Variants in FHL1 observed in about 807,000 individuals in gnomAD.
The protein encoded by FHL1 is four and a half LIM domains 1.
A neutral mutation model predicts 20.3 loss-of-function variants in FHL1; 1 was observed. That is an observed-to-expected ratio of 0.05 (90% confidence interval 0.02 to 0.23). The LOEUF is 0.23. Ranked by LOEUF, FHL1 falls within the 10% of genes least tolerant of loss-of-function variation. The pLI is 1.00. For synonymous variants in FHL1, 82 were observed against 88.9 expected, an observed-to-expected ratio of 0.92 and a Z score of 0.44; for missense variants, 177 against 234.0, an observed-to-expected ratio of 0.76 and a Z score of 1.59.
At chrX:136,168,261 C>T (rs188156774), upstream of FHL1, 2 of 111,586 alleles carry the variant, frequency 1.8e-5, no homozygotes, top group Admixed American at 9.5e-5. Context: ...TGTAGCTGCA[C>T]GAAAGGGTGT....
upstream of FHL1, chrX:136,147,053 T>C (rs1382642180): frequency 7.4e-6 from 2 of 268,840 alleles, no homozygotes; most frequent in African/African-American, 5.7e-5. Context: ...CACCCTCACT[T>C]GGCTGTCTTT....
At chrX:136,181,316 G>A (rs2073152859) in intron 2 of FHL1, among the ~76,000 whole-genome samples, 1 of 111,505 alleles carries the variant, frequency 9.0e-6, no homozygotes. Flanking sequence ...TCTGCAAACA[G>A]ACGAGTATCT....
Position 136,210,369 on chromosome X carries a change from C to T in FHL1, c.*344C>T, listed in dbSNP as rs1362039908. ...AGCAAGAAGCATAGGAGATAAAACC[C>T]CCACTGAGATGCCTCTCATGCCTCA... On this transcript the variant is annotated 3_prime_UTR_variant, in exon 6 of 6. Coordinates refer to ENST00000370683, the MANE Select transcript of FHL1 (RefSeq NM_001159699.2). The T allele has an allele frequency of 1.2e-5, 5 of 401,052 alleles. No individual in the cohort carries two copies. The highest frequency in any genetic ancestry group is 1.2e-4 in the African/African-American group (5 of 41,064). 33.1% of individuals were successfully genotyped at this position (401,052 alleles called of 1,213,427 possible). A position where few individuals can be genotyped will look rare whatever the true frequency, so the allele number is the denominator to read the frequency against.
chrX:136,179,687 T>C (rs1480908963), intron 2 of FHL1, among the ~76,000 whole-genome samples: 4 of 112,140 alleles, frequency 3.6e-5, no homozygotes, highest in Non-Finnish European at 5.6e-5. Context: ...AACCATAGCA[T>C]TACCGTGGTA....
In FHL1 at chrX:136,183,104, A is replaced by C. The variant is rs748013316; in HGVS notation, c.-27+13124A>C. Among the ~76,000 whole-genome samples the C allele has an allele frequency of 7.9e-5, 8 of 101,250 alleles. No individual in the cohort carries two copies. The South Asian group carries it at 2.9e-3, about 36-fold the overall frequency. The allele number at this position is 101,250 out of a possible 115,157, so 87.9% of individuals were successfully genotyped here. A position where few individuals can be genotyped will look rare whatever the true frequency, so the allele number is the denominator to read the frequency against. On this transcript the variant is annotated intron_variant, in intron 2 of 6. Coordinates refer to the FHL1 transcript ENST00000394153. Reference sequence around the variant, plus strand: ...AGAGCGAGACTGTCTCAAAAAAAAAAAAAACAAAAAACAAACAAACAAAAA... The same window carrying C: ...AGAGCGAGACTGTCTCAAAAAAAAACAAAACAAAAAACAAACAAACAAAAA...
chrX:136,170,023 A>G (rs1280336448), intron 2 of FHL1: 2 of 327,229 alleles, frequency 6.1e-6, no homozygotes, highest in Admixed American at 3.2e-5. Context: ...CTGATCTCCA[A>G]CCTTCTAAGT....
Position 136,211,228 on chromosome X carries a change from C to G in FHL1, c.*1203C>G, listed in dbSNP as rs769346936. 2.5e-5 allele frequency: 9 copies of G among 353,776 alleles called. No individual in the cohort carries two copies. Among genetic ancestry groups the G allele is most frequent in the Non-Finnish European group, 4.3e-5 (8 of 185,072 alleles). The allele number at this position is 353,776 out of a possible 1,213,427, so 29.2% of individuals were successfully genotyped here. A position where few individuals can be genotyped will look rare whatever the true frequency, so the allele number is the denominator to read the frequency against. ...AATATCAAAAGTAAACATGTAATGACAATACATACTAACATTCTTGTAGGA... is the reference window on the plus strand; with the variant it reads ...AATATCAAAAGTAAACATGTAATGAGAATACATACTAACATTCTTGTAGGA... On this transcript the variant is annotated 3_prime_UTR_variant, in exon 6 of 6. Coordinates refer to ENST00000370683, the MANE Select transcript of FHL1 (RefSeq NM_001159699.2).
At chrX:136,202,193 C>T (rs935374390) in intron 1 of FHL1, among the ~76,000 whole-genome samples, 4 of 110,114 alleles carry the variant, frequency 3.6e-5, no homozygotes, top group Non-Finnish European at 5.7e-5. Flanking sequence ...GGCGAAACCC[C>T]GTCTCTACTA....
rs150911744 is a variant in FHL1 at position 136,207,142 on chromosome X, C to T, written c.331C>T (p.Arg111Trp). 389 of 1,208,800 alleles carry T rather than the reference C, an allele frequency of 3.2e-4. 1 individual carries two copies. The highest frequency in any genetic ancestry group is 2.0e-4 in the Admixed American group (9 of 45,899). ...GATCCTGTGCAACAAGTGCACCACT[C>T]GGGAGGACTCCCCCAAGTGCAAGGG... Reference protein sequence around the residue: ...NKILCNKCTTREDSPKCKGCF... With the variant: ...NKILCNKCTTWEDSPKCKGCF... The change falls in exon 3 of 6, where the codon CGG becomes TGG. Residue 111 changes from arginine to tryptophan, a missense_variant. By Grantham distance (101) the Arg-to-Trp change is moderately radical. Coordinates refer to ENST00000370683, the MANE Select transcript of FHL1 (RefSeq NM_001159699.2).
chrX:136,209,660 C>T (rs1045887959), intron 5 of FHL1, among the ~76,000 whole-genome samples: 2 of 109,966 alleles, frequency 1.8e-5, no homozygotes, highest in African/African-American at 6.6e-5. Context: ...AGCAGGGTTG[C>T]GGCGGCATGG....
chrX:136,192,283 T>C (rs934036595), upstream of FHL1, among the ~76,000 whole-genome samples: 1 of 111,909 alleles, frequency 8.9e-6, no homozygotes, highest in Non-Finnish European at 1.9e-5. Flanking sequence ...TATAGGCCCA[T>C]AAAGTATCTG....
At chrX:136,179,616 G>A (rs747171504) in intron 2 of FHL1, among the ~76,000 whole-genome samples, 20 of 112,065 alleles carry the variant, frequency 1.8e-4, no homozygotes, top group Non-Finnish European at 3.4e-4. Context: ...TAGTGCCAGA[G>A]ACTTAGTAGG....
intron 1 of FHL1, among the ~76,000 whole-genome samples, chrX:136,155,423 T>C (rs960615591): frequency 8.9e-6 from 1 of 112,311 alleles, no homozygotes; most frequent in African/African-American, 3.2e-5. Flanking sequence ...ACATAGGCTA[T>C]GTATACATGT....
Position 136,207,143 on chromosome X carries a change from G to A in FHL1, c.332G>A (p.Arg111Gln), listed in dbSNP as rs1569530369. The A allele has an allele frequency of 2.5e-6, 3 of 1,208,961 alleles. No homozygotes were observed. The highest frequency in any genetic ancestry group is 3.4e-6 in the Non-Finnish European group (3 of 894,131). ...NKILCNKCTT[R>Q]EDSPKCKGCF... The stretch of plus-strand genomic sequence containing the variant: ...ATCCTGTGCAACAAGTGCACCACTC[G>A]GGAGGACTCCCCCAAGTGCAAGGGG... The change falls in exon 3 of 6, where the codon CGG (arginine) becomes CAG (glutamine). Residue 111 changes from arginine (R) to glutamine (Q), a missense_variant. Transcript: ENST00000370683.
upstream of FHL1, chrX:136,196,856 C>T: frequency 1.7e-6 from 2 of 1,165,331 alleles, no homozygotes; most frequent in Non-Finnish European, 2.3e-6. Flanking sequence ...TGCTGAGTAG[C>T]CCCGCAGGTA....
At chrX:136,187,259 C>T (rs1268195445) in intron 2 of FHL1, among the ~76,000 whole-genome samples, 2 of 110,129 alleles carry the variant, frequency 1.8e-5, no homozygotes, top group Non-Finnish European at 3.8e-5. Context: ...AAGTAGATGT[C>T]TGGGGATAGA....
chrX:136,150,384 C>A (rs1384906255), intron 1 of FHL1, among the ~76,000 whole-genome samples: 1 of 111,728 alleles, frequency 9.0e-6, no homozygotes, highest in Non-Finnish European at 1.9e-5. Context: ...CCGTCCGGTG[C>A]CAGCAACATT....
chrX:136,208,191 C>T (rs200267103), intron 4 of FHL1, among the ~76,000 whole-genome samples: 2 of 112,286 alleles, frequency 1.8e-5, no homozygotes, highest in East Asian at 5.6e-4. Flanking sequence ...GCCCGTATGG[C>T]ATGCTGAGCT....
At chrX:136,201,329 C>T (rs183273305) in intron 1 of FHL1, among the ~76,000 whole-genome samples, 3 of 111,953 alleles carry the variant, frequency 2.7e-5, no homozygotes, top group East Asian at 2.8e-4. Flanking sequence ...CTGATTCTTC[C>T]CTTGGGGTGG....
Sources: allele counts gnomAD v4.1 joint callset (sites outside exome capture counted in the v4.1 genomes callset), GRCh38; gene constraint gnomAD v4.1.1; transcripts MANE v1.5; gene names NCBI Gene and HGNC (gene_info 2026-07-23, HGNC 2026-07-21).